The following PANK2 variants were observed in gnomAD, a reference collection of about 807,000 sequenced individuals.
The protein encoded by PANK2 is pantothenate kinase 2.
In PANK2, 36 loss-of-function variants were observed where a neutral mutation model predicts 43.1. The ratio of observed to expected loss-of-function variants is 0.84; its 90% CI spans 0.64 to 1.10. The LOEUF is 1.10. Among genes scored for constraint, PANK2 ranks in the 50% least tolerant of loss-of-function variants. The probability of loss-of-function intolerance (pLI) is 0.00; values close to 1 mark genes in which losing one functional copy is unlikely to be tolerated. For synonymous variants in PANK2, 281 were observed against 238.2 expected, an observed-to-expected ratio of 1.18 and a Z score of -1.66; for missense variants, 576 against 593.3, an observed-to-expected ratio of 0.97 and a Z score of 0.30.
intron 1 of PANK2, among the ~76,000 whole-genome samples, chr20:3,898,234 C>T (rs187671703): frequency 6.6e-6 from 1 of 150,932 alleles, no homozygotes; most frequent in Admixed American, 6.8e-5. Flanking sequence ...TGGAGTCTTT[C>T]TGTCACCCAG....
intron 1 of PANK2, chr20:3,891,500 A>G (rs1020847467): frequency 2.0e-5 from 3 of 152,190 alleles, no homozygotes; most frequent in African/African-American, 7.2e-5. Context: ...TAGAAATGTA[A>G]ACTCAGAATT....
Position 3,889,475 on chromosome 20 carries a change from A to C in PANK2, c.45A>C (p.Gly15=), listed in dbSNP as rs2090075069. 6.6e-7 allele frequency: 1 copy of C among 1,522,334 alleles called. No homozygotes were observed. The highest frequency in any genetic ancestry group is 1.2e-5 in the South Asian group (1 of 81,424). The allele number at this position is 1,522,334 out of a possible 1,614,324, so 94.3% of individuals were successfully genotyped here. Residue 15 remains glycine, a synonymous_variant, in exon 1 of 7, where the codon GGA becomes GGC. Transcript: ENST00000610179. ...GGCAGCGACTGCTGCTGCGGATGGG[A>C]GGGGGCCGGCTCGGCGCGCCCATGG...
chr20:3,912,338 C>T, intron 3 of PANK2, 120 bp from the exon 4 acceptor site: 1 of 1,057,558 alleles, frequency 9.5e-7, no homozygotes, highest in East Asian at 2.4e-5. Flanking sequence ...TGTTTCCTAC[C>T]AGTGGCATTT....
intron 1 of PANK2, chr20:3,891,337 G>C (rs992611598): frequency 1.3e-5 from 2 of 152,176 alleles, no homozygotes; most frequent in Non-Finnish European, 2.9e-5. Context: ...CTGGGATATA[G>C]ACGGGAGCCA....
At position 3,918,804 on chromosome 20, in the gene PANK2, G is replaced by C. The variant is rs769961471; in HGVS notation, c.1332+8G>C. 15 of 1,614,064 alleles carry C rather than the reference G, an allele frequency of 9.3e-6. No individual in the cohort carries two copies. In the East Asian group the frequency reaches 3.3e-4, roughly 36 times the overall value. ...CTTTTTTCGGAACACGAGGTAAGCT[G>C]ACTTGTTCGTTGTGGTATATTATGT... On this transcript the variant is annotated splice_region_variant and intron_variant, in intron 6 of 6. Coordinates refer to ENST00000610179, the MANE Select transcript of PANK2 (RefSeq NM_001386393.1).
Position 3,923,357 on chromosome 20 carries a change from T to A in PANK2, c.*63T>A, listed in dbSNP as rs1235212185. Reference sequence around the variant, plus strand: ...TGGGATCTGTGGACTTTCATTTTTTTAAGAGACTTACTCAATTTCATGACT... The same window carrying A: ...TGGGATCTGTGGACTTTCATTTTTTAAAGAGACTTACTCAATTTCATGACT... On this transcript the variant is annotated 3_prime_UTR_variant, in exon 7 of 7. Transcript: ENST00000610179. 24 of 1,527,598 alleles carry A rather than the reference T, an allele frequency of 1.6e-5. No homozygotes were observed. The Admixed American group carries it at 2.5e-4, about 16-fold the overall frequency. 94.6% of individuals were successfully genotyped at this position (1,527,598 alleles called of 1,614,324 possible). A position where few individuals can be genotyped will look rare whatever the true frequency, so the allele number is the denominator to read the frequency against.
chr20:3,889,894 C>G (rs1397045165), intron 1 of PANK2, 166 bp downstream of exon 1: 1 of 1,532,560 alleles, frequency 6.5e-7, no homozygotes, highest in East Asian at 2.4e-5. Context: ...CTCGGGTGCT[C>G]CGAAAGCGGT....
intron 1 of PANK2, among the ~76,000 whole-genome samples, chr20:3,893,924 GTTTT>G (rs1046729224): frequency 2.4e-5 from 3 of 124,924 alleles, no homozygotes; most frequent in Admixed American, 8.2e-5. Context: ...TTTTTTGTTT[GTTTT>G]TTGTTTTTTT....
chr20:3,892,790 T>G (rs2090145556), intron 1 of PANK2, among the ~76,000 whole-genome samples: 1 of 152,138 alleles, frequency 6.6e-6, no homozygotes, highest in Admixed American at 6.6e-5. Flanking sequence ...TAGGCATTCT[T>G]GTGGTCCTGG....
chr20:3,914,078 T>G (rs148609020), intron 4 of PANK2, among the ~76,000 whole-genome samples: 1 of 151,698 alleles, frequency 6.6e-6, no homozygotes, highest in Non-Finnish European at 1.5e-5. Flanking sequence ...CGTGAGCCAC[T>G]GCGCCTGGCC....
intron 5 of PANK2, 103 bp from the exon 6 acceptor site, chr20:3,918,568 A>G (rs1024060502): frequency 2.0e-6 from 3 of 1,514,346 alleles, no homozygotes; most frequent in South Asian, 1.1e-5. Context: ...TCAGCAGTCA[A>G]ATTGTTGCTA....
intron 4 of PANK2, 30 bp from the exon 5 acceptor site, chr20:3,916,897 A>G: frequency 6.2e-7 from 1 of 1,609,914 alleles, no homozygotes; most frequent in Non-Finnish European, 8.5e-7. Flanking sequence ...CTGTTGGTTT[A>G]GCAATGGGAT....
chr20:3,918,813 G>T lies in PANK2; in HGVS notation c.1332+17G>T. The T allele has an allele frequency of 2.5e-6, 4 of 1,614,178 alleles. No homozygotes were observed. The highest frequency in any genetic ancestry group is 1.7e-4 in the Middle Eastern group (1 of 6,058). Reference sequence around the variant, plus strand: ...GAACACGAGGTAAGCTGACTTGTTCGTTGTGGTATATTATGTACACAGAGG... The same window carrying T: ...GAACACGAGGTAAGCTGACTTGTTCTTTGTGGTATATTATGTACACAGAGG... On this transcript the variant is annotated intron_variant, in intron 6 of 6. Transcript: ENST00000610179.
chr20:3,894,804 A>C (rs182302247), intron 1 of PANK2, among the ~76,000 whole-genome samples: 40 of 152,244 alleles, frequency 2.6e-4, no homozygotes, highest in African/African-American at 9.6e-4. Flanking sequence ...ATATATAATA[A>C]ATACTAAGCA....
chr20:3,903,626 A>G (rs2090341131), intron 1 of PANK2, among the ~76,000 whole-genome samples: 1 of 146,256 alleles, frequency 6.8e-6, no homozygotes, highest in East Asian at 2.0e-4. Context: ...CACCACGCCC[A>G]GCTAATTTTT....
chr20:3,896,910 A>T (rs2090218630), intron 1 of PANK2, among the ~76,000 whole-genome samples: 1 of 152,240 alleles, frequency 6.6e-6, no homozygotes, highest in Non-Finnish European at 1.5e-5. Flanking sequence ...AAGAGGGGTC[A>T]TGCAAACTCC....
intron 1 of PANK2, among the ~76,000 whole-genome samples, chr20:3,896,578 A>C (rs1251870362): frequency 6.6e-6 from 1 of 152,062 alleles, no homozygotes; most frequent in East Asian, 1.9e-4. Flanking sequence ...GAGGGTTGGG[A>C]CTTTCACTCC....
At chr20:3,911,436 A>G (rs2090466931) in intron 3 of PANK2, among the ~76,000 whole-genome samples, 1 of 149,648 alleles carries the variant, frequency 6.7e-6, no homozygotes, top group African/African-American at 2.5e-5. Context: ...TACAAAAATT[A>G]GCCGGGCGCA....
intron 4 of PANK2, among the ~76,000 whole-genome samples, chr20:3,916,501 GT>G (rs1360063141): frequency 2.0e-5 from 3 of 152,222 alleles, no homozygotes; most frequent in African/African-American, 7.2e-5. Context: ...GGACTCAGCT[GT>G]CTGTGCTTTA....
Sources: gnomAD v4.1 joint callset for allele counts (sites outside exome capture counted in the v4.1 genomes callset) on GRCh38, gnomAD v4.1.1 for gene constraint, MANE v1.5 for transcripts, NCBI Gene and HGNC (gene_info 2026-07-23, HGNC 2026-07-21) for gene names.